The following NCOA2 variants were observed in gnomAD, a reference collection of about 807,000 sequenced individuals.
NCOA2 encodes class E basic helix-loop-helix protein 75.
A neutral mutation model predicts 145.1 loss-of-function variants in NCOA2; 21 were observed. The observed-to-expected ratio is 0.14, with a 90% CI of 0.10 to 0.21. NCOA2 has a LOEUF of 0.21. NCOA2 is among the 10% of genes least tolerant of loss of function. The probability of loss-of-function intolerance (pLI) is 1.00; values close to 1 mark genes in which losing one functional copy is unlikely to be tolerated. For synonymous variants in NCOA2, 619 were observed against 637.5 expected (o/e 0.97, Z 0.44); for missense variants, 1,472 against 1,837.6 (o/e 0.80, Z 3.64).
Position 70,199,145 on chromosome 8 carries a change from T to C in NCOA2, c.259+14758A>G, listed in dbSNP as rs187549706. ...AGCCAGTGAGTGAGGATGAATGTGG[T>C]ACAGCTCAAAAGTAGAAAGGGGTGA... On this transcript the variant is annotated intron_variant, in intron 4 of 22. Coordinates refer to ENST00000452400, the MANE Select transcript of NCOA2 (RefSeq NM_006540.4). Among the ~76,000 whole-genome samples the C allele has an allele frequency of 1.1e-4, 16 of 152,184 alleles. No homozygotes were observed. In the East Asian group the frequency reaches 2.9e-3, roughly 28 times the overall value.
At chr8:70,278,961 T>C (rs1376826418) in intron 2 of NCOA2, among the ~76,000 whole-genome samples, 1 of 150,554 alleles carries the variant, frequency 6.6e-6, no homozygotes, top group Admixed American at 6.6e-5. Flanking sequence ...GCAAGACTCT[T>C]GTCTCCCCCA....
At chr8:70,342,774 TAC>T (rs370685018) in intron 1 of NCOA2, among the ~76,000 whole-genome samples, 29,539 of 123,596 alleles carry the variant, frequency 0.24, 3,317 homozygotes, top group African/African-American at 0.24. Flanking sequence ...CTTTTGCAAT[TAC>T]ACACACACAC....
intron 2 of NCOA2, among the ~76,000 whole-genome samples, chr8:70,268,899 A>G (rs1325321782): frequency 6.6e-6 from 1 of 152,240 alleles, no homozygotes; most frequent in African/African-American, 2.4e-5. Flanking sequence ...GAGCTTGAAA[A>G]ATTATAAACA....
intron 8 of NCOA2, 112 bp from the exon 9 acceptor site, chr8:70,162,966 G>A: frequency 9.0e-7 from 1 of 1,105,608 alleles, no homozygotes; most frequent in Admixed American, 2.6e-5. Context: ...CCAGGCTGGA[G>A]TGCAGTGGTG....
At chr8:70,210,183 G>A (rs4623463) in intron 4 of NCOA2, among the ~76,000 whole-genome samples, 68,829 of 152,004 alleles carry the variant, frequency 0.45, 18,393 homozygotes, top group Non-Finnish European at 0.59. Context: ...TCCTGCCAAG[G>A]GGGAAAACAA....
At chr8:70,242,934 G>C (rs1487378311) in intron 2 of NCOA2, among the ~76,000 whole-genome samples, 1 of 152,000 alleles carries the variant, frequency 6.6e-6, no homozygotes. Flanking sequence ...AATTACTGTG[G>C]TTGGAATTCT....
chr8:70,132,838 T>C (rs1170712539), intron 15 of NCOA2, among the ~76,000 whole-genome samples: 1 of 152,218 alleles, frequency 6.6e-6, no homozygotes, highest in Non-Finnish European at 1.5e-5. Context: ...AGTGCTGGGA[T>C]AACAGGCGTG....
At chr8:70,124,654 T>G in intron 20 of NCOA2, 34 bp downstream of exon 20, 2 of 1,558,914 alleles carry the variant, frequency 1.3e-6, no homozygotes, top group South Asian at 2.4e-5. Context: ...GCTGTCACAG[T>G]GGCGGTATGA....
chr8:70,341,094 A>AAAAAAG (rs751360659), intron 1 of NCOA2, among the ~76,000 whole-genome samples: 133 of 150,322 alleles, frequency 8.8e-4, no homozygotes, highest in East Asian at 4.2e-3. Flanking sequence ...AAAAAAAAAA[A>AAAAAAG]AAAGAAACAA....
At chr8:70,450,807 C>T in the NCOA2 span, among the ~76,000 whole-genome samples, 1 of 151,164 alleles carries the variant, frequency 6.6e-6, no homozygotes, top group Non-Finnish European at 1.5e-5. Flanking sequence ...CCTCAGGTTA[C>T]CCACCCGCCT....
At chr8:70,451,237 A>T in the NCOA2 span, among the ~76,000 whole-genome samples, 18,941 of 67,226 alleles carry the variant, frequency 0.28, 2,710 homozygotes, top group Non-Finnish European at 0.32. Flanking sequence ...AAAAAAAAAA[A>T]ATATATATAT....
At chr8:70,188,067 G>GTGACAGCTGGGCAGGTCCAGT (rs1221170115) in intron 4 of NCOA2, among the ~76,000 whole-genome samples, 4 of 152,236 alleles carry the variant, frequency 2.6e-5, no homozygotes, top group Non-Finnish European at 5.9e-5. Flanking sequence ...GATGACTGAT[G>GTGACAGCTGGGCAGGTCCAGT]TGACAGCTGG....
At chr8:70,147,120 G>GCA (rs1283699402) in intron 12 of NCOA2, among the ~76,000 whole-genome samples, 2 of 150,574 alleles carry the variant, frequency 1.3e-5, no homozygotes, top group African/African-American at 2.5e-5. Context: ...TCGCGCGCGC[G>GCA]CGCGCGCGTG....
intron 4 of NCOA2, among the ~76,000 whole-genome samples, chr8:70,182,070 G>A (rs1815544746): frequency 6.6e-6 from 1 of 152,208 alleles, no homozygotes; most frequent in African/African-American, 2.4e-5. Flanking sequence ...TATTCATTAG[G>A]AAGCATTCTG....
At chr8:70,130,276 A>C (rs531012820) in intron 16 of NCOA2, among the ~76,000 whole-genome samples, 2 of 152,352 alleles carry the variant, frequency 1.3e-5, no homozygotes, top group East Asian at 3.9e-4. Flanking sequence ...TATTTCTATA[A>C]TTCAGTTTCA....
intron 1 of NCOA2, among the ~76,000 whole-genome samples, chr8:70,397,796 G>A (rs948222568): frequency 6.6e-6 from 1 of 152,136 alleles, no homozygotes; most frequent in Non-Finnish European, 1.5e-5. Flanking sequence ...TCAGTTAAGG[G>A]GACATTTTAC....
chr8:70,409,930 C>A, the NCOA2 span, among the ~76,000 whole-genome samples: 1 of 151,924 alleles, frequency 6.6e-6, no homozygotes, highest in Non-Finnish European at 1.5e-5. Context: ...GAGAGAGCAG[C>A]CAGGTGCAGT....
chr8:70,395,899 G>A (rs1326936162), intron 1 of NCOA2, among the ~76,000 whole-genome samples: 1 of 152,202 alleles, frequency 6.6e-6, no homozygotes, highest in East Asian at 1.9e-4. Flanking sequence ...TCTCGTCGAT[G>A]ACAACAGGTC....
At chr8:70,439,017 T>C in the NCOA2 span, among the ~76,000 whole-genome samples, 2 of 152,216 alleles carry the variant, frequency 1.3e-5, no homozygotes, top group South Asian at 4.1e-4. Flanking sequence ...AGGTTATCCT[T>C]AGGGAAAATT....
Sources: gnomAD v4.1 joint callset for allele counts (sites outside exome capture counted in the v4.1 genomes callset) on GRCh38, gnomAD v4.1.1 for gene constraint, MANE v1.5 for transcripts, NCBI Gene and HGNC (gene_info 2026-07-23, HGNC 2026-07-21) for gene names.